The following TLE1 variants were observed in gnomAD, a reference collection of about 807,000 sequenced individuals.
The protein encoded by TLE1 is transducin-like enhancer protein 1.
A neutral mutation model predicts 89.8 loss-of-function variants in TLE1; 21 were observed. The ratio of observed to expected loss-of-function variants is 0.23; its 90% CI spans 0.17 to 0.34. The LOEUF (loss-of-function observed/expected upper bound fraction) is 0.34, where lower values mean the gene tolerates loss of function less well. Among genes scored for constraint, TLE1 ranks in the 10% least tolerant of loss-of-function variants. The pLI is 1.00. For synonymous variants in TLE1, 447 were observed against 407.6 expected (o/e 1.10, Z -1.16); for missense variants, 795 against 1,031.2 (o/e 0.77, Z 3.14).
rs1834739839 is a variant in TLE1 at position 81,689,297 on chromosome 9, G to A, written c.-1057C>T. 6.6e-6 allele frequency: 1 copy of A among 152,340 alleles called. No individual in the cohort carries two copies. Among genetic ancestry groups the A allele is most frequent in the South Asian group, 2.1e-4 (1 of 4,840 alleles). The allele number at this position is 152,340 out of a possible 1,614,324, so 9.4% of individuals were successfully genotyped here. On this transcript the variant is annotated 5_prime_UTR_variant, in exon 1 of 20. Coordinates refer to ENST00000376499, the MANE Select transcript of TLE1 (RefSeq NM_005077.5). ...CTCCGCCAATCGGCCACCCTCCCCGGCGGGCAAACTCTGCGGGCGAGTCCA... is the reference window on the plus strand; with the variant it reads ...CTCCGCCAATCGGCCACCCTCCCCGACGGGCAAACTCTGCGGGCGAGTCCA...
intron 1 of TLE1, among the ~76,000 whole-genome samples, chr9:81,687,637 G>A (rs1387231561): frequency 6.6e-6 from 1 of 152,120 alleles, no homozygotes; most frequent in Non-Finnish European, 1.5e-5. Context: ...AAGAGGCTCG[G>A]AAGCTCTTCC....
At chr9:81,586,692 G>A (rs2131744211) in intron 17 of TLE1, among the ~76,000 whole-genome samples, 1 of 152,198 alleles carries the variant, frequency 6.6e-6, no homozygotes, top group Middle Eastern at 3.4e-3. Flanking sequence ...GCTGAGCGAT[G>A]GGCATGTGGC....
chr9:81,589,066 C>T (rs1169118413), intron 16 of TLE1, among the ~76,000 whole-genome samples: 1 of 152,172 alleles, frequency 6.6e-6, no homozygotes, highest in African/African-American at 2.4e-5. Flanking sequence ...CTCCTGCGGC[C>T]GTGCAGCTGG....
Position 81,687,410 on chromosome 9 carries a change from G to C in TLE1, c.49C>G (p.Pro17Ala). ...GACTCCGGGATAGTGAACTTGAAGG[G>C]CTGGCCTGCAGCCTGGTGCGGCGTC... ...HPTPHQAAGQPFKFTIPESLD... is the reference protein window; with the variant it reads ...HPTPHQAAGQAFKFTIPESLD... Residue 17 changes from proline to alanine, a missense_variant, in exon 2 of 20, where the codon CCC (proline) becomes GCC (alanine). Pro to Ala is a conservative substitution (Grantham distance 27, BLOSUM62 -1). Transcript: ENST00000376499. 6.2e-7 allele frequency: 1 copy of C among 1,611,308 alleles called. No homozygotes were observed. Among genetic ancestry groups the C allele is most frequent in the Non-Finnish European group, 8.5e-7 (1 of 1,179,292 alleles).
rs1564061502 is a variant in TLE1, at chr9:81,669,840, TC to T, written c.235-15805del. Among the ~76,000 whole-genome samples the T allele has an allele frequency of 6.6e-5, 10 of 152,150 alleles. 1 individual carries two copies. Among genetic ancestry groups the T allele is most frequent in the African/African-American group, 2.4e-4 (10 of 41,500 alleles). The stretch of plus-strand genomic sequence containing the variant: ...AATAACCCTGACTTTATACCAACGG[TC>T]CCCCTTTGCTGGTTTGGCCGAGCGA... On this transcript the variant is annotated intron_variant, in intron 4 of 19. Transcript: ENST00000376499.
rs900764909 is a variant in TLE1, at chr9:81,639,675, C to T, written c.373-5374G>A. Among the ~76,000 whole-genome samples the T allele has an allele frequency of 5.3e-5, 8 of 151,076 alleles. No homozygotes were observed. The South Asian group carries it at 1.3e-3, about 24-fold the overall frequency. On this transcript the variant is annotated intron_variant, in intron 6 of 19. Transcript: ENST00000376499. ...TCGGCTCACTGCAACCTCCACCTCC[C>T]GGGTTCAAGCTATTCTTTGTGCCTC...
intron 1 of TLE1, among the ~76,000 whole-genome samples, chr9:81,687,742 C>T (rs1454141171): frequency 1.3e-5 from 2 of 152,076 alleles, no homozygotes; most frequent in East Asian, 3.9e-4. Context: ...GCCAGATTGT[C>T]GGTGTCGCCG....
intron 2 of TLE1, among the ~76,000 whole-genome samples, chr9:81,686,265 G>A (rs1248839328): frequency 6.6e-6 from 1 of 152,286 alleles, no homozygotes; most frequent in East Asian, 1.9e-4. Flanking sequence ...CTTAGGCATA[G>A]GCTGTGCCAT....
chr9:81,593,037 C>T lies in TLE1; in HGVS notation c.1569G>A (p.Gln523=), dbSNP rs1804531. ...CCTGTTCACTCACCAGACAGTCGAG[C>T]TGGGAGACAGGGCTCTTATTGCCAG... ...SHPGNKSPVS[Q]LDCLNRDNYI... The change falls in exon 15 of 20, where the codon CAG becomes CAA. Residue 523 remains glutamine (Q), a synonymous_variant. Transcript: ENST00000376499. 1.2e-6 allele frequency: 2 copies of T among 1,613,086 alleles called. No individual in the cohort carries two copies. Among genetic ancestry groups the T allele is most frequent in the Non-Finnish European group, 1.7e-6 (2 of 1,179,150 alleles).
At chr9:81,632,469 GTATCCCTTTTTTTTTTT>G (rs1174801362) in intron 8 of TLE1, among the ~76,000 whole-genome samples, 1 of 99,842 alleles carries the variant, frequency 1.0e-5, no homozygotes, top group Non-Finnish European at 2.1e-5. Context: ...TAAATGTTCA[GTATCCCTTTTTTTTTTT>G]TTTTTTTTTT....
At position 81,653,136 on chromosome 9, in the gene TLE1, T is replaced by C. The variant is rs577024031; in HGVS notation, c.297+838A>G. ...TATACTCAAAAGGCAGACAAATCTA[T>C]TGTCATATCAGACAGACAAAGGTTA... On this transcript the variant is annotated intron_variant, in intron 5 of 19. Transcript: ENST00000376499. Among the ~76,000 whole-genome samples the C allele has an allele frequency of 4.6e-5, 7 of 152,318 alleles. No homozygotes were observed. The South Asian group carries it at 1.2e-3, about 27-fold the overall frequency.
At chr9:81,638,454 T>C (rs1393580274) in intron 6 of TLE1, among the ~76,000 whole-genome samples, 1 of 152,236 alleles carries the variant, frequency 6.6e-6, no homozygotes, top group Non-Finnish European at 1.5e-5. Flanking sequence ...CTGTCCCATC[T>C]GTCTTTGGAA....
chr9:81,671,742 A>C lies in TLE1; in HGVS notation c.234+13934T>G, dbSNP rs74720924. On this transcript the variant is annotated intron_variant, in intron 4 of 19. Transcript: ENST00000376499. ...TCCTTATACTTCCATTTAATTCATAAATATCATAGCATCTAGGGTAGTCGA... is the reference window on the plus strand; with the variant it reads ...TCCTTATACTTCCATTTAATTCATACATATCATAGCATCTAGGGTAGTCGA... Among the ~76,000 whole-genome samples, 382 of 152,338 alleles carry C rather than the reference A, an allele frequency of 2.5e-3. 9 individuals are homozygous for C. Among genetic ancestry groups the C allele is most frequent in the East Asian group, 2.5e-3 (13 of 5,184 alleles).
At position 81,585,665 on chromosome 9, in the gene TLE1, G is replaced by T. The variant is rs1828291082; in HGVS notation, c.1978-10C>A. On this transcript the variant is annotated splice_polypyrimidine_tract_variant and intron_variant, in intron 17 of 19. Transcript: ENST00000376499. The stretch of plus-strand genomic sequence containing the variant: ...ACCCCAGGGAGAAGATCTACAAGGA[G>T]CAAGACAGGCTCACTCATTATTCCG... 6 of 1,613,734 alleles carry T rather than the reference G, an allele frequency of 3.7e-6. No individual in the cohort carries two copies. The highest frequency in any genetic ancestry group is 5.1e-6 in the Non-Finnish European group (6 of 1,179,860).
intron 14 of TLE1, among the ~76,000 whole-genome samples, chr9:81,598,309 G>A (rs1051865727): frequency 2.6e-5 from 4 of 152,122 alleles, no homozygotes; most frequent in African/African-American, 9.6e-5. Flanking sequence ...CGCACAAACT[G>A]TTCCCTCCCG....
rs1828079548 is a variant in TLE1, at chr9:81,584,643, G to A, written c.2129-119C>T. ...AATATATGAACTATCATGCCCTAAG[G>A]ACTGGTCCATGATATGAACAGAGGT... On this transcript the variant is annotated intron_variant, in intron 18 of 19. Coordinates refer to ENST00000376499, the MANE Select transcript of TLE1 (RefSeq NM_005077.5). 5.7e-6 allele frequency: 5 copies of A among 871,096 alleles called. No individual in the cohort carries two copies. The South Asian group carries it at 8.2e-5, about 14-fold the overall frequency. The allele number at this position is 871,096 out of a possible 1,614,324, so 54.0% of individuals were successfully genotyped here.
At chr9:81,596,597 T>A (rs1587893678) in intron 14 of TLE1, among the ~76,000 whole-genome samples, 1 of 151,956 alleles carries the variant, frequency 6.6e-6, no homozygotes, top group African/African-American at 2.4e-5. Flanking sequence ...GTAAAACCAA[T>A]CAGAAAGAGG....
chr9:81,632,474 CCT>C (rs1491371733), intron 8 of TLE1, among the ~76,000 whole-genome samples: 3 of 73,390 alleles, frequency 4.1e-5, no homozygotes, highest in African/African-American at 4.7e-5. Context: ...GTTCAGTATC[CCT>C]TTTTTTTTTT....
At chr9:81,687,795 G>C (rs559735263) in intron 1 of TLE1, among the ~76,000 whole-genome samples, 3 of 152,034 alleles carry the variant, frequency 2.0e-5, no homozygotes, top group East Asian at 3.9e-4. Flanking sequence ...GGGACCAGAG[G>C]AGAAAAACAA....
Sources: gnomAD v4.1 joint callset for allele counts (sites outside exome capture counted in the v4.1 genomes callset) on GRCh38, gnomAD v4.1.1 for gene constraint, MANE v1.5 for transcripts, NCBI Gene and HGNC (gene_info 2026-07-23, HGNC 2026-07-21) for gene names.